The following TXLNG variants were observed in gnomAD, a reference collection of about 807,000 sequenced individuals.
The protein encoded by TXLNG is gamma-taxilin.
In TXLNG, 5 loss-of-function variants were observed where a neutral mutation model predicts 38.8. That is an observed-to-expected ratio of 0.13 (90% CI 0.07 to 0.27). The LOEUF (loss-of-function observed/expected upper bound fraction) is 0.27. TXLNG is among the 10% of genes least tolerant of loss of function. TXLNG has a pLI of 1.00. For synonymous variants in TXLNG, 182 were observed against 158.2 expected (o/e 1.15, Z -1.13); for missense variants, 393 against 398.2 (o/e 0.99, Z 0.11).
intron 1 of TXLNG, among the ~76,000 whole-genome samples, chrX:16,802,291 C>T (rs1415135453): frequency 2.9e-5 from 3 of 102,262 alleles, no homozygotes; most frequent in Admixed American, 1.1e-4. Context: ...TACTCTGTCA[C>T]CCAGGCTGGA....
rs753889272 is a variant in TXLNG, at chrX:16,821,818, G to A, written c.498+1563G>A. On this transcript the variant is annotated intron_variant, in intron 3 of 9. Coordinates refer to ENST00000380122, the MANE Select transcript of TXLNG (RefSeq NM_018360.3). ...ATCCTGGCTAACACGGTGAAACCCTGTCTCTACTAAAAATACAAAAAAAAA... is the reference window on the plus strand; with the variant it reads ...ATCCTGGCTAACACGGTGAAACCCTATCTCTACTAAAAATACAAAAAAAAA... 6.4e-4 allele frequency among the ~76,000 whole-genome samples: 67 copies of A among 105,267 alleles called. 1 individual carries two copies. Among genetic ancestry groups the A allele is most frequent in the Admixed American group, 1.2e-3 (12 of 9,727 alleles). 91.4% of individuals were successfully genotyped at this position (105,267 alleles called of 115,157 possible).
intron 1 of TXLNG, among the ~76,000 whole-genome samples, chrX:16,809,638 C>T (rs1928446111): frequency 9.0e-6 from 1 of 110,762 alleles, no homozygotes; most frequent in African/African-American, 3.3e-5. Context: ...GCCACCGCAC[C>T]AGGCCAAGAT....
intron 5 of TXLNG, among the ~76,000 whole-genome samples, chrX:16,831,002 G>C (rs1208367219): frequency 9.1e-6 from 1 of 109,703 alleles, no homozygotes; most frequent in Non-Finnish European, 1.9e-5. Context: ...CACTGTACAT[G>C]GCTGATAATT....
At chrX:16,788,866 C>A (rs1225704341) in intron 1 of TXLNG, among the ~76,000 whole-genome samples, 1 of 110,886 alleles carries the variant, frequency 9.0e-6, no homozygotes, top group Admixed American at 9.7e-5. Context: ...CAGGGTTTCA[C>A]CATGTTGGCC....
chrX:16,833,524 C>G (rs774544834), intron 6 of TXLNG, among the ~76,000 whole-genome samples: 4 of 111,745 alleles, frequency 3.6e-5, no homozygotes, highest in African/African-American at 6.5e-5. Flanking sequence ...TTTAGAGAGA[C>G]ATGTTTTTCA....
rs766720163 is a variant in TXLNG, at chrX:16,818,730, G to T, written c.259G>T (p.Asp87Tyr). The part of the protein sequence containing the change: ...KHSLEEDEGS[D>Y]FITENRNLVS... ...TTCATTGGAAGAGGATGAAGGCAGT[G>T]ACTTTATAACAGAGAACAGGAATTT... The change falls in exon 2 of 10, where the codon GAC becomes TAC. Residue 87 changes from aspartate to tyrosine, a missense_variant. Transcript: ENST00000380122. The T allele has an allele frequency of 8.3e-7, 1 of 1,211,922 alleles. No individual in the cohort carries two copies.
chrX:16,841,981 G>A lies in TXLNG; in HGVS notation c.*215G>A, dbSNP rs925350080. ...CTCAGCTGTGTTGCACATCAGCCTCGTTCTCCCTCCACTGGAATGCATGTG... is the reference window on the plus strand; with the variant it reads ...CTCAGCTGTGTTGCACATCAGCCTCATTCTCCCTCCACTGGAATGCATGTG... On this transcript the variant is annotated 3_prime_UTR_variant, in exon 10 of 10. Transcript: ENST00000380122. 39 of 407,674 alleles carry A rather than the reference G, an allele frequency of 9.6e-5. No homozygotes were observed. Among genetic ancestry groups the A allele is most frequent in the South Asian group, 1.9e-4 (4 of 21,391 alleles). The allele number at this position is 407,674 out of a possible 1,213,427, so 33.6% of individuals were successfully genotyped here. A position where few individuals can be genotyped will look rare whatever the true frequency, so the allele number is the denominator to read the frequency against.
At chrX:16,826,029 A>G (rs951281421) in intron 3 of TXLNG, among the ~76,000 whole-genome samples, 1 of 112,139 alleles carries the variant, frequency 8.9e-6, no homozygotes, top group Middle Eastern at 4.6e-3. Context: ...TAAAGTCAAA[A>G]CAGCTAAAAC....
chrX:16,832,571 A>T, intron 5 of TXLNG, 52 bp from the exon 6 acceptor site: 1 of 1,207,225 alleles, frequency 8.3e-7, no homozygotes, highest in Non-Finnish European at 1.1e-6. Flanking sequence ...TTTCCTCCCC[A>T]CTGTGTTCCT....
chrX:16,829,572 TAAG>T lies in TXLNG; in HGVS notation c.670-3_670-1del. The T allele has an allele frequency of 8.3e-7, 1 of 1,208,812 alleles. No individual in the cohort carries two copies. The highest frequency in any genetic ancestry group is 1.1e-6 in the Non-Finnish European group (1 of 894,037). ...TATTAACAAAAATTATTTTGGGTAA[TAAG>T]GAGGAAAATATGCAGCAGGCACGAG... On this transcript the variant is annotated splice_acceptor_variant and splice_polypyrimidine_tract_variant and intron_variant, in intron 4 of 9. Coordinates refer to ENST00000380122, the MANE Select transcript of TXLNG (RefSeq NM_018360.3). LOFTEE classifies it high-confidence loss of function.
intron 1 of TXLNG, among the ~76,000 whole-genome samples, chrX:16,814,331 C>T (rs1928651357): frequency 1.8e-5 from 2 of 111,861 alleles, no homozygotes; most frequent in Admixed American, 1.9e-4. Context: ...TAGGCAGACT[C>T]AGCCCGGTGT....
chrX:16,843,374 A>G lies in TXLNG; in HGVS notation c.*1608A>G, dbSNP rs760044742. 10 of 111,734 alleles carry G rather than the reference A, an allele frequency of 8.9e-5. No individual in the cohort carries two copies. Among genetic ancestry groups the G allele is most frequent in the Admixed American group, 2.9e-4 (3 of 10,521 alleles). 9.2% of individuals were successfully genotyped at this position (111,734 alleles called of 1,213,427 possible). On this transcript the variant is annotated 3_prime_UTR_variant, in exon 10 of 10. Coordinates refer to ENST00000380122, the MANE Select transcript of TXLNG (RefSeq NM_018360.3). Reference sequence around the variant, plus strand: ...GGGTTGTATCTAAGCCTCCACTATCAGTCATGTTAATTCAAGGGGCCACAG... The same window carrying G: ...GGGTTGTATCTAAGCCTCCACTATCGGTCATGTTAATTCAAGGGGCCACAG...
At chrX:16,796,535 G>A (rs1037002088) in intron 1 of TXLNG, among the ~76,000 whole-genome samples, 2 of 112,018 alleles carry the variant, frequency 1.8e-5, no homozygotes, top group African/African-American at 6.5e-5. Context: ...AGAGGCTTCT[G>A]AATGAGCCAG....
chrX:16,832,808 T>G lies in TXLNG; in HGVS notation c.984+66T>G, dbSNP rs183843522. On this transcript the variant is annotated intron_variant, in intron 6 of 9. Transcript: ENST00000380122. ...ATTGTAACTGAGGCCATTTGAAACA[T>G]CAAATTGTAACCAAGGCCGTTTGAA... 3.4e-4 allele frequency: 379 copies of G among 1,126,292 alleles called. 3 individuals carry two copies. In the East Asian group the frequency reaches 0.011, roughly 34 times the overall value. The allele number at this position is 1,126,292 out of a possible 1,213,427, so 92.8% of individuals were successfully genotyped here. A position where few individuals can be genotyped will look rare whatever the true frequency, so the allele number is the denominator to read the frequency against.
At chrX:16,812,801 T>C (rs370322860) in intron 1 of TXLNG, among the ~76,000 whole-genome samples, 24 of 98,230 alleles carry the variant, frequency 2.4e-4, no homozygotes, top group African/African-American at 9.1e-4. Context: ...TCGCAGGTTC[T>C]AGTGATTCTC....
At chrX:16,827,598 A>G (rs773760530) in intron 3 of TXLNG, among the ~76,000 whole-genome samples, 5 of 111,580 alleles carry the variant, frequency 4.5e-5, no homozygotes, top group Non-Finnish European at 9.4e-5. Context: ...AAGCAGGGAG[A>G]AGATCTGTGA....
chrX:16,838,215 A>G (rs1380954518), intron 8 of TXLNG, among the ~76,000 whole-genome samples: 1 of 112,094 alleles, frequency 8.9e-6, no homozygotes, highest in African/African-American at 3.2e-5. Flanking sequence ...TTAAGGAAAG[A>G]GATATCCTTG....
chrX:16,822,696 C>T (rs1480005708), intron 3 of TXLNG, among the ~76,000 whole-genome samples: 6 of 111,939 alleles, frequency 5.4e-5, no homozygotes, highest in East Asian at 5.6e-4. Context: ...AAAGCAGTGT[C>T]GAAGGTTAGC....
chrX:16,836,765 G>A (rs964813682), intron 7 of TXLNG, among the ~76,000 whole-genome samples: 1 of 111,959 alleles, frequency 8.9e-6, no homozygotes, highest in African/African-American at 3.2e-5. Flanking sequence ...TATATCTATC[G>A]TGTGATCTTG....
Sources: gnomAD v4.1 joint callset for allele counts (sites outside exome capture counted in the v4.1 genomes callset) on GRCh38, gnomAD v4.1.1 for gene constraint, MANE v1.5 for transcripts, NCBI Gene and HGNC (gene_info 2026-07-23, HGNC 2026-07-21) for gene names.